Variants in MACROD2 observed in about 807,000 individuals in gnomAD.
MACROD2 encodes mono-ADP ribosylhydrolase 2.
Under a neutral mutation model 70.4 loss-of-function variants are expected in MACROD2, and 36 were observed. That is an observed-to-expected ratio of 0.51 (90% CI 0.39 to 0.68). The LOEUF (loss-of-function observed/expected upper bound fraction) is 0.68, where lower values mean the gene tolerates loss of function less well. MACROD2 is among the 30% of genes least tolerant of loss of function. The pLI is 0.00. For missense variants in MACROD2, 496 were observed against 538.4 expected (o/e 0.92, Z 0.78); for synonymous variants, 172 against 178.8 (o/e 0.96, Z 0.30).
intron 3 of MACROD2, among the ~76,000 whole-genome samples, chr20:14,141,555 G>A (rs1405737005): frequency 6.6e-6 from 1 of 151,876 alleles, no homozygotes; most frequent in Non-Finnish European, 1.5e-5. Context: ...GGACCGGCCT[G>A]TCCAACATGG....
intron 4 of MACROD2, among the ~76,000 whole-genome samples, chr20:14,683,485 T>C (rs1192303276): frequency 1.3e-5 from 2 of 152,160 alleles, no homozygotes; most frequent in Non-Finnish European, 2.9e-5. Flanking sequence ...CTGGAGTGAA[T>C]TTATTTTTTT....
chr20:15,751,388 A>T (rs765611435), intron 8 of MACROD2, among the ~76,000 whole-genome samples: 28 of 152,048 alleles, frequency 1.8e-4, no homozygotes, highest in Non-Finnish European at 3.7e-4. Flanking sequence ...TGATATTTGA[A>T]AGAGAAGAAA....
At chr20:15,021,261 CCT>C (rs1491203823) in intron 5 of MACROD2, among the ~76,000 whole-genome samples, 6 of 28,644 alleles carry the variant, frequency 2.1e-4, no homozygotes, top group African/African-American at 4.6e-4. Context: ...TATACACACA[CCT>C]GTGTGTGTGT....
intron 6 of MACROD2, among the ~76,000 whole-genome samples, chr20:15,315,746 T>C (rs2077802504): frequency 6.6e-6 from 1 of 152,134 alleles, no homozygotes; most frequent in Non-Finnish European, 1.5e-5. Flanking sequence ...GTAGAAATAA[T>C]GAACTCTGGT....
chr20:15,743,040 C>T (rs2051128407), intron 8 of MACROD2, among the ~76,000 whole-genome samples: 1 of 152,194 alleles, frequency 6.6e-6, no homozygotes, highest in Non-Finnish European at 1.5e-5. Context: ...TTAACTTTAA[C>T]ATTTCATATT....
At chr20:15,537,246 C>G (rs955994102) in intron 8 of MACROD2, among the ~76,000 whole-genome samples, 4 of 152,032 alleles carry the variant, frequency 2.6e-5, no homozygotes, top group African/African-American at 9.7e-5. Context: ...GTAATATGTG[C>G]CTTTTGCCTT....
chr20:14,844,441 C>A, intron 5 of MACROD2, among the ~76,000 whole-genome samples: 1 of 151,880 alleles, frequency 6.6e-6, no homozygotes, highest in Non-Finnish European at 1.5e-5. Context: ...CGCTTGAACC[C>A]AGGAGATGGA....
intron 4 of MACROD2, among the ~76,000 whole-genome samples, chr20:14,549,992 C>T (rs1437618984): frequency 6.6e-6 from 1 of 150,536 alleles, no homozygotes; most frequent in African/African-American, 2.4e-5. Context: ...GCAGTGGTGC[C>T]ATCTTGGCTC....
intron 5 of MACROD2, among the ~76,000 whole-genome samples, chr20:14,938,389 C>T (rs1428833583): frequency 6.6e-6 from 1 of 152,050 alleles, no homozygotes; most frequent in Non-Finnish European, 1.5e-5. Flanking sequence ...GCCATTTTAA[C>T]TGGGGTGAGA....
At chr20:14,658,855 C>T (rs1986097395) in intron 4 of MACROD2, among the ~76,000 whole-genome samples, 2 of 152,204 alleles carry the variant, frequency 1.3e-5, no homozygotes, top group African/African-American at 4.8e-5. Flanking sequence ...CTCAGGCAAA[C>T]CACATGCCTC....
intron 5 of MACROD2, among the ~76,000 whole-genome samples, chr20:14,695,725 G>A (rs914614690): frequency 1.3e-5 from 2 of 152,228 alleles, no homozygotes; most frequent in African/African-American, 4.8e-5. Flanking sequence ...ACATCAGTGA[G>A]CTTGGGAGCA....
chr20:14,282,314 A>G (rs773226872), intron 3 of MACROD2, among the ~76,000 whole-genome samples: 29 of 152,202 alleles, frequency 1.9e-4, no homozygotes, highest in Non-Finnish European at 4.1e-4. Context: ...TAGAATTTCA[A>G]ATCTCCAAAT....
intron 4 of MACROD2, among the ~76,000 whole-genome samples, chr20:14,561,472 A>C (rs1187750934): frequency 6.6e-6 from 1 of 151,864 alleles, no homozygotes; most frequent in Non-Finnish European, 1.5e-5. Flanking sequence ...ATGTTAACAA[A>C]ATGATTTTCA....
chr20:14,221,171 C>T, intron 3 of MACROD2, among the ~76,000 whole-genome samples: 1 of 152,184 alleles, frequency 6.6e-6, no homozygotes, highest in East Asian at 1.9e-4. Flanking sequence ...TTATTCTTTG[C>T]ATCCTTTGCT....
intron 3 of MACROD2, among the ~76,000 whole-genome samples, chr20:14,242,309 G>A (rs565915612): frequency 2.0e-5 from 3 of 152,218 alleles, no homozygotes; most frequent in East Asian, 3.9e-4. Flanking sequence ...AGGCACAAAA[G>A]CATGTGAATA....
chr20:15,399,166 A>T (rs73901020), intron 6 of MACROD2, among the ~76,000 whole-genome samples: 8,293 of 152,212 alleles, frequency 0.054, 595 homozygotes, highest in African/African-American at 0.16. Context: ...TAGGCTGAAA[A>T]GGGAGGAAAT....
chr20:14,976,099 C>A (rs2074737134), intron 5 of MACROD2, among the ~76,000 whole-genome samples: 1 of 152,270 alleles, frequency 6.6e-6, no homozygotes. Flanking sequence ...TGCCCCAGTG[C>A]TTCTCTGATC....
chr20:15,696,258 G>A (rs1292686273), intron 8 of MACROD2, among the ~76,000 whole-genome samples: 1 of 152,178 alleles, frequency 6.6e-6, no homozygotes, highest in Non-Finnish European at 1.5e-5. Context: ...ATAAAGAGAT[G>A]CTGGATTTTG....
At chr20:15,871,781 C>T (rs1054981359) in intron 9 of MACROD2, among the ~76,000 whole-genome samples, 6 of 152,126 alleles carry the variant, frequency 3.9e-5, no homozygotes, top group African/African-American at 1.2e-4. Context: ...ATGCTTATAT[C>T]CAGTTTGTGA....
Sources: gnomAD v4.1 joint callset for allele counts (sites outside exome capture counted in the v4.1 genomes callset) on GRCh38, gnomAD v4.1.1 for gene constraint, MANE v1.5 for transcripts, NCBI Gene and HGNC (gene_info 2026-07-23, HGNC 2026-07-21) for gene names.